Variants in GPATCH2L observed in about 807,000 individuals in gnomAD.
GPATCH2L encodes G-patch domain containing 2 like, also known as G patch domain-containing protein 2-like.
GPATCH2L carries 31 observed loss-of-function variants against 57.4 expected under a neutral mutation model. That is an observed-to-expected ratio of 0.54 (90% CI 0.41 to 0.73). The LOEUF (loss-of-function observed/expected upper bound fraction) is 0.73. Among genes scored for constraint, GPATCH2L ranks in the 30% least tolerant of loss-of-function variants. GPATCH2L has a pLI of 0.00. For missense variants in GPATCH2L, 481 were observed against 599.9 expected (o/e 0.80, Z 2.07); for synonymous variants, 199 against 210.7 (o/e 0.94, Z 0.48).
At chr14:76,214,654 C>T (rs2040476647), downstream of GPATCH2L, among the ~76,000 whole-genome samples, 1 of 152,116 alleles carries the variant, frequency 6.6e-6, no homozygotes, top group South Asian at 2.1e-4. Flanking sequence ...ATCACTAGGG[C>T]TCCACCCTCC....
chr14:76,196,295 T>C, intron 9 of GPATCH2L: 1 of 604,654 alleles, frequency 1.7e-6, no homozygotes, highest in Non-Finnish European at 2.9e-6. Context: ...GGCAGTTCAG[T>C]CAGGCAGTCA....
At chr14:76,232,521 C>T (rs1309981013) in intron 2 of GPATCH2L, among the ~76,000 whole-genome samples, 2 of 152,160 alleles carry the variant, frequency 1.3e-5, no homozygotes, top group Non-Finnish European at 2.9e-5. Flanking sequence ...ATGCACAAGA[C>T]CACCCTCACT....
chr14:76,153,463 T>A (rs911357019), intron 1 of GPATCH2L, among the ~76,000 whole-genome samples: 2 of 152,282 alleles, frequency 1.3e-5, no homozygotes, highest in Non-Finnish European at 1.5e-5. Flanking sequence ...AAATAAGAAA[T>A]TTTGGAAAGC....
chr14:76,216,312 T>A (rs1407256375), downstream of GPATCH2L, among the ~76,000 whole-genome samples: 1 of 152,150 alleles, frequency 6.6e-6, no homozygotes, highest in African/African-American at 2.4e-5. Flanking sequence ...TTATGCTACT[T>A]GTATGTTGCA....
At chr14:76,165,226 G>T (rs2038773942) in intron 2 of GPATCH2L, among the ~76,000 whole-genome samples, 1 of 152,110 alleles carries the variant, frequency 6.6e-6, no homozygotes, top group Non-Finnish European at 1.5e-5. Context: ...GGGTGCGGTG[G>T]CTCATGCCTG....
rs1468342152 is a variant in GPATCH2L at position 76,202,522 on chromosome 14, A to G, written c.*671A>G. On this transcript the variant is annotated 3_prime_UTR_variant, in exon 10 of 10. Coordinates refer to ENST00000261530, the MANE Select transcript of GPATCH2L (RefSeq NM_017926.4). ...TCTTCAGAGTTTATGTTCTACTGAA[A>G]GAGGACGTGTGTATACACACACACA... 3 of 120,414 alleles carry G rather than the reference A, an allele frequency of 2.5e-5. No individual in the cohort carries two copies. In the Admixed American group the frequency reaches 2.8e-4, roughly 11 times the overall value. 7.5% of individuals were successfully genotyped at this position (120,414 alleles called of 1,614,324 possible).
chr14:76,152,958 T>G (rs1594894220), intron 1 of GPATCH2L: 2 of 355,662 alleles, frequency 5.6e-6, no homozygotes, highest in Non-Finnish European at 1.1e-5. Flanking sequence ...TTCCCATTTT[T>G]TCCCCTTCTT....
chr14:76,221,341 A>G (rs548105200), intron 1 of GPATCH2L, among the ~76,000 whole-genome samples: 1 of 152,300 alleles, frequency 6.6e-6, no homozygotes, highest in South Asian at 2.1e-4. Flanking sequence ...AACACTGACA[A>G]CACCAAATGC....
At position 76,166,678 on chromosome 14, in the gene GPATCH2L, G is replaced by A. The variant is rs1352554130; in HGVS notation, c.678G>A (p.Val226=). 7 of 1,609,822 alleles carry A rather than the reference G, an allele frequency of 4.3e-6. No homozygotes were observed. The South Asian group carries it at 5.5e-5, about 13-fold the overall frequency. Residue 226 remains valine (V), a synonymous_variant, in exon 3 of 10, where the codon GTG becomes GTA. Transcript: ENST00000261530. The stretch of plus-strand genomic sequence containing the variant: ...CTTTTTACAGTGAAACCAGCAGTGT[G>A]TGTAGCAGCAGTGACACTGGGCTCT... ...ENMSECETSS[V]CSSSDTGLFT... is the part of the protein sequence containing the mutation.
At chr14:76,152,271 C>T (rs1395216519) in intron 1 of GPATCH2L, among the ~76,000 whole-genome samples, 2 of 150,618 alleles carry the variant, frequency 1.3e-5, no homozygotes, top group Non-Finnish European at 3.0e-5. Context: ...GAGCCATGGT[C>T]GCCCCAGCCC....
chr14:76,191,295 G>C (rs1475377172), intron 8 of GPATCH2L, among the ~76,000 whole-genome samples: 1 of 152,106 alleles, frequency 6.6e-6, no homozygotes, highest in East Asian at 1.9e-4. Context: ...TGGGGTTGGG[G>C]AAGTGGTCAA....
In GPATCH2L at chr14:76,231,965, T is replaced by TCACTGCAGCCTCACTGCAGGCA. The variant is rs2040567108; in HGVS notation, c.*117+2031_*117+2032insGCACACTGCAGCCTCACTGCAG. ...TAGAGTGCAGTGGGGCAAACACATC[T>TCACTGCAGCCTCACTGCAGGCA]CACTGCAGCCTCACTGCAGCCTCAC... On this transcript the variant is annotated intron_variant and NMD_transcript_variant, in intron 2 of 3. Coordinates refer to the GPATCH2L transcript ENST00000556372. Among the ~76,000 whole-genome samples, 2 of 150,964 alleles carry TCACTGCAGCCTCACTGCAGGCA rather than the reference T, an allele frequency of 1.3e-5. 1 individual carries two copies. Among genetic ancestry groups the TCACTGCAGCCTCACTGCAGGCA allele is most frequent in the African/African-American group, 4.8e-5 (2 of 41,254 alleles).
In GPATCH2L at chr14:76,203,533, C is replaced by T. The variant is rs1347245822; in HGVS notation, c.*1682C>T. On this transcript the variant is annotated 3_prime_UTR_variant, in exon 10 of 10. Transcript: ENST00000261530. ...ATGCCTCTTAGTTGCCTCTGGTTCT[C>T]ATGCAGCAGTGTGTGTGCTTACAGG... The T allele has an allele frequency of 2.6e-5, 4 of 152,536 alleles. No individual in the cohort carries two copies. Among genetic ancestry groups the T allele is most frequent in the African/African-American group, 4.8e-5 (2 of 41,362 alleles). 9.4% of individuals were successfully genotyped at this position (152,536 alleles called of 1,614,324 possible). A position where few individuals can be genotyped will look rare whatever the true frequency, so the allele number is the denominator to read the frequency against.
intron 2 of GPATCH2L, among the ~76,000 whole-genome samples, chr14:76,162,977 C>T (rs552778942): frequency 6.6e-6 from 1 of 152,338 alleles, no homozygotes; most frequent in South Asian, 2.1e-4. Context: ...ACACTTCTTC[C>T]CTAGCTCAAT....
intron 2 of GPATCH2L, among the ~76,000 whole-genome samples, chr14:76,159,929 G>A (rs1450026877): frequency 2.6e-5 from 4 of 152,072 alleles, no homozygotes; most frequent in South Asian, 2.1e-4. Context: ...TTAGGAGATC[G>A]AGACCATCCT....
downstream of GPATCH2L, among the ~76,000 whole-genome samples, chr14:76,216,716 C>G (rs1374700424): frequency 6.6e-6 from 1 of 152,018 alleles, no homozygotes; most frequent in Non-Finnish European, 1.5e-5. Flanking sequence ...AACAAATGAA[C>G]AAGAGCAGCC....
chr14:76,157,673 G>T (rs1318093138), intron 2 of GPATCH2L, among the ~76,000 whole-genome samples: 3 of 117,784 alleles, frequency 2.5e-5, no homozygotes, highest in African/African-American at 7.6e-5. Flanking sequence ...CAATGGTAGC[G>T]TTTTTTTTTT....
rs145790047 is a variant in GPATCH2L at position 76,187,240 on chromosome 14, T to G, written c.1193+6391T>G. ...CCTTTTTCTCCTTTTACCCTAGCAC[T>G]TACTTGTTCTCTGATTACAACTCAG... On this transcript the variant is annotated intron_variant, in intron 8 of 9. Transcript: ENST00000261530. 3.3e-3 allele frequency among the ~76,000 whole-genome samples: 496 copies of G among 152,140 alleles called. 5 individuals carry two copies. The highest frequency in any genetic ancestry group is 0.011 in the African/African-American group (467 of 41,518).
In GPATCH2L at chr14:76,154,456, C is replaced by A; in HGVS notation, c.93C>A (p.Ser31Arg). The A allele has an allele frequency of 6.2e-7, 1 of 1,614,100 alleles. No individual in the cohort carries two copies. Among genetic ancestry groups the A allele is most frequent in the Non-Finnish European group, 8.5e-7 (1 of 1,180,022 alleles). Residue 31 changes from serine to arginine, a missense_variant, in exon 2 of 10, where the codon AGC becomes AGA. Ser to Arg is a moderately radical substitution (Grantham distance 110). Coordinates refer to ENST00000261530, the MANE Select transcript of GPATCH2L (RefSeq NM_017926.4). This position sits in a 1 kb window ranked among gnomAD's most constrained non-coding sequence, Gnocchi z 4.4. The part of the protein sequence containing the change: ...LGELWEEMAL[S>R]PRQQRRQLRK... ...AACTGTGGGAGGAGATGGCGCTGAG[C>A]CCCCGACAGCAGAGGCGGCAGCTTC...
Sources: allele counts gnomAD v4.1 joint callset (sites outside exome capture counted in the v4.1 genomes callset), GRCh38; gene constraint gnomAD v4.1.1; non-coding constraint Gnocchi (gnomAD v3.1); transcripts MANE v1.5; gene names NCBI Gene and HGNC (gene_info 2026-07-23, HGNC 2026-07-21).